PLCE1: variants seen among roughly 807,000 people sequenced by gnomAD.
PLCE1 encodes the protein 1-phosphatidylinositol 4,5-bisphosphate phosphodiesterase epsilon-1.
Under a neutral mutation model 242.8 loss-of-function variants are expected in PLCE1, and 119 were observed. The ratio of observed to expected loss-of-function variants is 0.49; its 90% CI spans 0.42 to 0.57. The LOEUF (loss-of-function observed/expected upper bound fraction) is 0.57, where lower values mean the gene tolerates loss of function less well. Among genes scored for constraint, PLCE1 ranks in the 20% least tolerant of loss-of-function variants. The probability of loss-of-function intolerance (pLI) is 0.00; values close to 1 mark genes in which losing one functional copy is unlikely to be tolerated. For synonymous variants in PLCE1, 945 were observed against 1,017.4 expected, an observed-to-expected ratio of 0.93 and a Z score of 1.35; for missense variants, 2,441 against 2,788.8, an observed-to-expected ratio of 0.88 and a Z score of 2.81.
At chr10:94,293,167 A>C (rs1032184502) in intron 22 of PLCE1, among the ~76,000 whole-genome samples, 2 of 152,188 alleles carry the variant, frequency 1.3e-5, no homozygotes, top group African/African-American at 4.8e-5. Flanking sequence ...CATCTCTCCA[A>C]ATTAAATAAT....
intron 3 of PLCE1, among the ~76,000 whole-genome samples, chr10:94,145,967 CA>C (rs1310779008): frequency 6.6e-6 from 1 of 151,970 alleles, no homozygotes; most frequent in Admixed American, 6.6e-5. Flanking sequence ...AGAATGTGTG[CA>C]GCAACTGTGA....
intron 2 of PLCE1, among the ~76,000 whole-genome samples, chr10:94,056,678 G>A (rs759680204): frequency 1.1e-4 from 16 of 151,934 alleles, no homozygotes; most frequent in Non-Finnish European, 2.1e-4. Flanking sequence ...CCCTTTTAAA[G>A]TATACAATTC....
At chr10:94,288,725 C>G (rs914470274) in intron 22 of PLCE1, among the ~76,000 whole-genome samples, 2 of 152,260 alleles carry the variant, frequency 1.3e-5, no homozygotes, top group East Asian at 1.9e-4. Flanking sequence ...GAGGCTCGTC[C>G]GGAAGATTCT....
chr10:94,307,466 T>C (rs1250482865), intron 26 of PLCE1, among the ~76,000 whole-genome samples: 1 of 152,224 alleles, frequency 6.6e-6, no homozygotes, highest in African/African-American at 2.4e-5. Flanking sequence ...CCTGTTTCTC[T>C]TCTGTGTGCA....
chr10:94,291,314 C>G (rs1038760925), intron 22 of PLCE1, among the ~76,000 whole-genome samples: 2 of 152,114 alleles, frequency 1.3e-5, no homozygotes, highest in Admixed American at 6.6e-5. Flanking sequence ...TCCTAAATAC[C>G]TAGATGGCTT....
intron 2 of PLCE1, among the ~76,000 whole-genome samples, chr10:94,058,114 CCTT>C (rs1165996825): frequency 2.0e-5 from 3 of 152,124 alleles, no homozygotes; most frequent in African/African-American, 7.2e-5. Context: ...AATTGGTGGT[CCTT>C]CAGGGGAACT....
chr10:94,204,748 G>GAGGGAGGAAGGAAGGAAGGA (rs1554883695), intron 4 of PLCE1, among the ~76,000 whole-genome samples: 1 of 122,346 alleles, frequency 8.2e-6, no homozygotes, highest in African/African-American at 3.3e-5. Flanking sequence ...AGAAGGGAGG[G>GAGGGAGGAAGGAAGGAAGGA]AGGAAGGAAG....
chr10:94,166,122 A>T (rs1480463988), intron 3 of PLCE1, among the ~76,000 whole-genome samples: 2 of 152,244 alleles, frequency 1.3e-5, no homozygotes, highest in Non-Finnish European at 2.9e-5. Flanking sequence ...CAGATATGCA[A>T]CATATACCTA....
chr10:94,111,379 A>G (rs2135639887), intron 2 of PLCE1, among the ~76,000 whole-genome samples: 1 of 152,310 alleles, frequency 6.6e-6, no homozygotes, highest in East Asian at 1.9e-4. Flanking sequence ...AAGGAGGTGG[A>G]AGCCAAATTC....
At chr10:94,150,912 G>A (rs2047254586) in intron 3 of PLCE1, among the ~76,000 whole-genome samples, 1 of 152,194 alleles carries the variant, frequency 6.6e-6, no homozygotes, top group Non-Finnish European at 1.5e-5. Flanking sequence ...GCTGGCAGCA[G>A]TCTAGTGGGC....
chr10:94,176,730 G>A, intron 4 of PLCE1, among the ~76,000 whole-genome samples: 1 of 152,202 alleles, frequency 6.6e-6, no homozygotes, highest in East Asian at 1.9e-4. Flanking sequence ...TAGAAGCAGT[G>A]TACTGTGGTA....
rs538926052 is a variant in PLCE1, at chr10:94,109,346, A to C, written c.1207-22828A>C. ...GTTTATCAAATTTATTGCATTCCCC[A>C]AAATCTAAATAAATACCTGAGATAA... On this transcript the variant is annotated intron_variant, in intron 2 of 32. Coordinates refer to ENST00000371380, the MANE Select transcript of PLCE1 (RefSeq NM_016341.4). Among the ~76,000 whole-genome samples, 14 of 152,350 alleles carry C rather than the reference A, an allele frequency of 9.2e-5. No homozygotes were observed. The South Asian group carries it at 1.0e-3, about 11-fold the overall frequency.
In PLCE1 at chr10:94,276,498, C is replaced by G. The variant is rs151172241; in HGVS notation, c.4665+2778C>G. Among the ~76,000 whole-genome samples the G allele has an allele frequency of 8.5e-5, 13 of 152,276 alleles. No homozygotes were observed. In the East Asian group the frequency reaches 2.5e-3, roughly 29 times the overall value. ...AAGTCAGAATTTCCAGAAGAAAGGC[C>G]TGGTCATCTGTTTATATAAAAATAA... On this transcript the variant is annotated intron_variant, in intron 19 of 32. Transcript: ENST00000371380.
intron 1 of PLCE1, among the ~76,000 whole-genome samples, chr10:93,997,987 C>T (rs2060861077): frequency 6.6e-6 from 1 of 152,252 alleles, no homozygotes; most frequent in South Asian, 2.1e-4. Flanking sequence ...TAGTATAGAT[C>T]AACTGTTACA....
chr10:94,203,835 C>G (rs1348157602), intron 4 of PLCE1, among the ~76,000 whole-genome samples: 2 of 152,200 alleles, frequency 1.3e-5, no homozygotes, highest in African/African-American at 2.4e-5. Flanking sequence ...GAGTGAATAT[C>G]CACAACCTGT....
Position 94,269,931 on chromosome 10 carries a change from T to A in PLCE1, c.4390-555T>A, listed in dbSNP as rs544902896. On this transcript the variant is annotated intron_variant, in intron 17 of 32. Transcript: ENST00000371380. ...ATTTTTCTCTGAACTGTGGCCAGGT[T>A]GTGAAGGAATATTATTTTTATTTTA... 5.9e-5 allele frequency among the ~76,000 whole-genome samples: 9 copies of A among 152,314 alleles called. No homozygotes were observed. In the South Asian group the frequency reaches 1.9e-3, roughly 32 times the overall value.
At chr10:94,102,818 A>G (rs969516001) in intron 2 of PLCE1, among the ~76,000 whole-genome samples, 1 of 152,338 alleles carries the variant, frequency 6.6e-6, no homozygotes, top group African/African-American at 2.4e-5. Flanking sequence ...ACAGAATGGG[A>G]CAGGCGGCTC....
At chr10:94,039,940 G>A (rs1006924420) in intron 2 of PLCE1, among the ~76,000 whole-genome samples, 6 of 152,244 alleles carry the variant, frequency 3.9e-5, no homozygotes, top group African/African-American at 1.2e-4. Flanking sequence ...TATCAGATAT[G>A]TGGTTTGCAA....
chr10:94,059,293 C>T (rs1222000874), intron 2 of PLCE1, among the ~76,000 whole-genome samples: 1 of 152,106 alleles, frequency 6.6e-6, no homozygotes, highest in Non-Finnish European at 1.5e-5. Context: ...AGAATTGCCA[C>T]AAAAACTGGG....
Sources: allele counts gnomAD v4.1 joint callset (sites outside exome capture counted in the v4.1 genomes callset), GRCh38; gene constraint gnomAD v4.1.1; transcripts MANE v1.5; gene names NCBI Gene and HGNC (gene_info 2026-07-23, HGNC 2026-07-21).